Variants in PTPRM observed in about 807,000 individuals in gnomAD.
PTPRM encodes receptor-type tyrosine-protein phosphatase mu.
In PTPRM, 47 loss-of-function variants were observed where a neutral mutation model predicts 186.7. The observed-to-expected ratio is 0.25, with a 90% CI of 0.20 to 0.32. The LOEUF is 0.32. PTPRM is among the 10% of genes least tolerant of loss of function. PTPRM has a pLI of 1.00. For synonymous variants in PTPRM, 668 were observed against 674.9 expected (o/e 0.99, Z 0.16); for missense variants, 1,494 against 1,865.0 (o/e 0.80, Z 3.66).
intron 11 of PTPRM, among the ~76,000 whole-genome samples, chr18:8,097,167 C>A (rs1252895253): frequency 6.6e-6 from 1 of 152,176 alleles, no homozygotes; most frequent in Non-Finnish European, 1.5e-5. Context: ...AATATGCCTT[C>A]TATTTCCTTA....
intron 12 of PTPRM, among the ~76,000 whole-genome samples, chr18:8,114,098 A>G (rs1314694183): frequency 6.6e-6 from 1 of 152,172 alleles, no homozygotes; most frequent in African/African-American, 2.4e-5. Context: ...CTCATTTAAA[A>G]TTTTGTGAGA....
chr18:8,163,543 C>T (rs1017960062), intron 14 of PTPRM, among the ~76,000 whole-genome samples: 3 of 152,150 alleles, frequency 2.0e-5, no homozygotes, highest in Admixed American at 6.5e-5. Context: ...AATATTTTAC[C>T]AAAGGAACAC....
At chr18:8,358,983 T>G (rs2095580152) in intron 23 of PTPRM, among the ~76,000 whole-genome samples, 1 of 152,134 alleles carries the variant, frequency 6.6e-6, no homozygotes, top group Non-Finnish European at 1.5e-5. Context: ...AGGATGTGAG[T>G]GAAGGTCACT....
At position 7,807,643 on chromosome 18, in the gene PTPRM, G is replaced by A. The variant is rs183872841; in HGVS notation, c.196+33372G>A. Among the ~76,000 whole-genome samples, 343 of 152,300 alleles carry A rather than the reference G, an allele frequency of 2.3e-3. 3 individuals are homozygous for A. Among genetic ancestry groups the A allele is most frequent in the Non-Finnish European group, 3.4e-3 (234 of 68,028 alleles). On this transcript the variant is annotated intron_variant, in intron 2 of 32. Coordinates refer to ENST00000580170, the MANE Select transcript of PTPRM (RefSeq NM_001105244.2). ...TTTTTGTTGTTGTTGTCATCTAAGT[G>A]ATTTTTGGAAGCCCCCAAGTGAAAA...
At chr18:8,272,208 T>TAAAA (rs1254909341) in intron 19 of PTPRM, among the ~76,000 whole-genome samples, 9,811 of 75,638 alleles carry the variant, frequency 0.13, 338 homozygotes, top group Middle Eastern at 0.2. Context: ...TCTGCCTCAA[T>TAAAA]AAAAAAAAAA....
At chr18:7,802,377 G>T (rs1008095573) in intron 2 of PTPRM, among the ~76,000 whole-genome samples, 3 of 152,138 alleles carry the variant, frequency 2.0e-5, no homozygotes, top group Non-Finnish European at 4.4e-5. Flanking sequence ...AAGGGCAGAG[G>T]ACGGTAAAGA....
chr18:7,592,341 G>T (rs757342201), intron 1 of PTPRM, among the ~76,000 whole-genome samples: 3 of 152,336 alleles, frequency 2.0e-5, no homozygotes, highest in Non-Finnish European at 4.4e-5. Flanking sequence ...GTAAAGAGAA[G>T]AGTAGGCAAT....
At chr18:7,843,188 G>C (rs1168452853) in intron 2 of PTPRM, among the ~76,000 whole-genome samples, 1 of 151,702 alleles carries the variant, frequency 6.6e-6, no homozygotes, top group Non-Finnish European at 1.5e-5. Flanking sequence ...GGACTCCAGG[G>C]CTCACATGTT....
At chr18:8,096,206 A>C (rs1038970081) in intron 11 of PTPRM, among the ~76,000 whole-genome samples, 2 of 152,204 alleles carry the variant, frequency 1.3e-5, no homozygotes, top group Non-Finnish European at 2.9e-5. Context: ...CAGCACACTT[A>C]GTGGGTGATT....
chr18:7,930,142 C>T (rs1400583765), intron 5 of PTPRM, among the ~76,000 whole-genome samples: 1 of 152,092 alleles, frequency 6.6e-6, no homozygotes, highest in Admixed American at 6.5e-5. Flanking sequence ...GATCTCGGCT[C>T]ACTGCAGCCT....
At chr18:8,373,864 A>C (rs2095679001) in intron 24 of PTPRM, among the ~76,000 whole-genome samples, 1 of 151,838 alleles carries the variant, frequency 6.6e-6, no homozygotes, top group African/African-American at 2.4e-5. Context: ...CAGCCTGGGC[A>C]ACAGAATGAG....
chr18:7,606,618 T>C (rs2037536566), intron 1 of PTPRM, among the ~76,000 whole-genome samples: 1 of 152,148 alleles, frequency 6.6e-6, no homozygotes, highest in Non-Finnish European at 1.5e-5. Context: ...GCACATTAGA[T>C]AGAGCGTGAT....
At chr18:8,149,762 G>A (rs1363520823) in intron 14 of PTPRM, among the ~76,000 whole-genome samples, 1 of 152,098 alleles carries the variant, frequency 6.6e-6, no homozygotes, top group Non-Finnish European at 1.5e-5. Context: ...TTACAATTTG[G>A]TATGTTTTTG....
chr18:8,090,284 A>T (rs1005127181), intron 11 of PTPRM, among the ~76,000 whole-genome samples: 7 of 152,114 alleles, frequency 4.6e-5, no homozygotes, highest in African/African-American at 1.7e-4. Context: ...TGGCCTTGGG[A>T]GTGTCATTTG....
intron 11 of PTPRM, among the ~76,000 whole-genome samples, chr18:8,111,567 C>T (rs1003999400): frequency 8.6e-5 from 13 of 151,666 alleles, no homozygotes; most frequent in East Asian, 1.9e-4. Flanking sequence ...GAGCCAAGAT[C>T]GTGCCACTGC....
chr18:7,811,520 G>C (rs2044515156), intron 2 of PTPRM, among the ~76,000 whole-genome samples: 1 of 152,156 alleles, frequency 6.6e-6, no homozygotes, highest in Non-Finnish European at 1.5e-5. Context: ...ACCAAGCCGA[G>C]TTCATTTTTT....
intron 4 of PTPRM, among the ~76,000 whole-genome samples, chr18:7,911,922 G>A (rs540488495): frequency 3.0e-5 from 4 of 133,348 alleles, no homozygotes; most frequent in Middle Eastern, 5.3e-3. Context: ...CTGTGATCTC[G>A]GCTCACTGCA....
At position 7,852,560 on chromosome 18, in the gene PTPRM, C is replaced by T. The variant is rs369849526; in HGVS notation, c.197-35546C>T. 3.7e-4 allele frequency among the ~76,000 whole-genome samples: 56 copies of T among 151,884 alleles called. No individual in the cohort carries two copies. In the East Asian group the frequency reaches 8.3e-3, roughly 23 times the overall value. On this transcript the variant is annotated intron_variant, in intron 2 of 32. Transcript: ENST00000580170. ...AAAATTAGCTGGGCATAGTGGCGGG[C>T]GCCTGTAGTTCTAGCTGCTTGGAAG... is the stretch of plus-strand genomic sequence containing the variant.
At chr18:8,237,300 T>C (rs1019225700) in intron 14 of PTPRM, among the ~76,000 whole-genome samples, 1 of 152,064 alleles carries the variant, frequency 6.6e-6, no homozygotes, top group African/African-American at 2.4e-5. Flanking sequence ...TATTTTACTT[T>C]TACTAATTCC....
Sources: allele counts gnomAD v4.1 joint callset (sites outside exome capture counted in the v4.1 genomes callset), GRCh38; gene constraint gnomAD v4.1.1; transcripts MANE v1.5; gene names NCBI Gene and HGNC (gene_info 2026-07-23, HGNC 2026-07-21).